BEGAIN: variants seen among roughly 807,000 people sequenced by gnomAD.
BEGAIN encodes the protein brain enriched guanylate kinase associated, also known as brain-enriched guanylate kinase-associated protein.
Under a neutral mutation model 35.8 loss-of-function variants are expected in BEGAIN, and 19 were observed. That is an observed-to-expected ratio of 0.53 (90% CI 0.37 to 0.78). BEGAIN has a LOEUF of 0.78. Ranked by LOEUF, BEGAIN falls within the 30% of genes least tolerant of loss-of-function variation. The pLI, the probability that BEGAIN is intolerant of heterozygous loss-of-function variation, is 0.00. For synonymous variants in BEGAIN, 462 were observed against 388.6 expected, an observed-to-expected ratio of 1.19 and a Z score of -2.22; for missense variants, 795 against 853.6, an observed-to-expected ratio of 0.93 and a Z score of 0.85.
chr14:100,568,636 T>C lies in BEGAIN; in HGVS notation c.43-697A>G. On this transcript the variant is annotated intron_variant, in intron 1 of 6. Transcript: ENST00000554140. This position sits in a 1 kb window ranked among gnomAD's most constrained non-coding sequence, Gnocchi z 7.5. The stretch of plus-strand genomic sequence containing the variant: ...CCGCGCGCGGCTTGGAGACCCTCCC[T>C]GCCCAGCCCCGCTCAGCCGGGCAGC... 6 of 682,930 alleles carry C rather than the reference T, an allele frequency of 8.8e-6. No individual in the cohort carries two copies. The highest frequency in any genetic ancestry group is 1.2e-5 in the Non-Finnish European group (6 of 516,660). The allele number at this position is 682,930 out of a possible 1,614,324, so 42.3% of individuals were successfully genotyped here.
chr14:100,568,653 C>T lies in BEGAIN; in HGVS notation c.43-714G>A. 1 of 522,410 alleles carries T rather than the reference C, an allele frequency of 1.9e-6. No homozygotes were observed. The highest frequency in any genetic ancestry group is 2.5e-6 in the Non-Finnish European group (1 of 407,176). 32.4% of individuals were successfully genotyped at this position (522,410 alleles called of 1,614,324 possible). A position where few individuals can be genotyped will look rare whatever the true frequency, so the allele number is the denominator to read the frequency against. ...ACCCTCCCTGCCCAGCCCCGCTCAG[C>T]CGGGCAGCCCCTCCGCGCGCCGGGC... On this transcript the variant is annotated intron_variant, in intron 1 of 6. Transcript: ENST00000554140. The surrounding 1 kb of genome is among the most constrained non-coding windows in gnomAD (Gnocchi z 7.5).
At chr14:100,580,032 C>T (rs113354714) in intron 1 of BEGAIN, among the ~76,000 whole-genome samples, 7,348 of 149,372 alleles carry the variant, frequency 0.049, 604 homozygotes, top group African/African-American at 0.17. Context: ...AGGCCGGGTG[C>T]GGTGGCTCAC....
At chr14:100,554,399 G>A (rs563295584) in intron 2 of BEGAIN, among the ~76,000 whole-genome samples, 2 of 152,264 alleles carry the variant, frequency 1.3e-5, no homozygotes, top group African/African-American at 2.4e-5. Context: ...CTCTTCGGTC[G>A]TGGCTCTCAG....
intron 1 of BEGAIN, among the ~76,000 whole-genome samples, chr14:100,582,640 T>G (rs894764805): frequency 1.3e-5 from 2 of 152,142 alleles, no homozygotes; most frequent in African/African-American, 2.4e-5. Context: ...CTTCCTCAGA[T>G]AGGACATGTA....
intron 2 of BEGAIN, among the ~76,000 whole-genome samples, chr14:100,560,715 C>T (rs544885299): frequency 1.7e-4 from 26 of 152,346 alleles, no homozygotes; most frequent in African/African-American, 4.1e-4. Flanking sequence ...TTAGTGGCCA[C>T]GAGGGCAGAG....
intron 5 of BEGAIN, among the ~76,000 whole-genome samples, chr14:100,541,554 C>A (rs2031613617): frequency 6.6e-6 from 1 of 152,234 alleles, no homozygotes; most frequent in Admixed American, 6.5e-5. Context: ...CTCCCTGGGC[C>A]TCCTAGGAAC....
chr14:100,567,816 T>G lies in BEGAIN; in HGVS notation c.71+95A>C. On this transcript the variant is annotated intron_variant, in intron 2 of 6. Coordinates refer to ENST00000554140, the MANE Select transcript of BEGAIN (RefSeq NM_001385089.1). The surrounding 1 kb of genome is among the most constrained non-coding windows in gnomAD (Gnocchi z 5.1). ...GAGGCCGCCCGCGGGCCCTGGGGGA[T>G]GCGCTCGGGTGGAGCCCCCTTCCCC... 1 of 1,294,668 alleles carries G rather than the reference T, an allele frequency of 7.7e-7. No homozygotes were observed. Among genetic ancestry groups the G allele is most frequent in the Non-Finnish European group, 1.0e-6 (1 of 979,728 alleles). 80.2% of individuals were successfully genotyped at this position (1,294,668 alleles called of 1,614,324 possible). A position where few individuals can be genotyped will look rare whatever the true frequency, so the allele number is the denominator to read the frequency against.
chr14:100,557,905 G>A (rs963632653), intron 2 of BEGAIN, among the ~76,000 whole-genome samples: 18 of 152,066 alleles, frequency 1.2e-4, no homozygotes, highest in African/African-American at 4.3e-4. Flanking sequence ...GGGCACTTTC[G>A]CAGATGTCAT....
chr14:100,585,415 CCCATCCATCCATCCATCCAT>C (rs71113272), intron 1 of BEGAIN, among the ~76,000 whole-genome samples: 1 of 66,050 alleles, frequency 1.5e-5, no homozygotes, highest in Non-Finnish European at 2.9e-5. Flanking sequence ...CTCCCTCCCT[CCCATCCATCCATCCATCCAT>C]CCATCCATCC....
At chr14:100,552,954 G>T (rs1384596265) in intron 2 of BEGAIN, among the ~76,000 whole-genome samples, 1 of 151,858 alleles carries the variant, frequency 6.6e-6, no homozygotes, top group East Asian at 1.9e-4. Flanking sequence ...GTGTAGTCAC[G>T]TGGGGAGCAG....
chr14:100,541,334 G>A (rs1439356031), intron 5 of BEGAIN, among the ~76,000 whole-genome samples: 2 of 152,232 alleles, frequency 1.3e-5, no homozygotes, highest in African/African-American at 4.8e-5. Context: ...TGACCCACCT[G>A]AGCTGCCCCA....
At chr14:100,562,768 T>C (rs1486558209) in intron 2 of BEGAIN, among the ~76,000 whole-genome samples, 2 of 152,152 alleles carry the variant, frequency 1.3e-5, no homozygotes, top group Non-Finnish European at 2.9e-5. Flanking sequence ...ACAGGTCACC[T>C]GCTCCCCGCC....
Position 100,539,054 on chromosome 14 carries a change from G to A in BEGAIN, c.754C>T (p.Leu252Phe). 1.9e-6 allele frequency: 3 copies of A among 1,612,490 alleles called. No individual in the cohort carries two copies. Among genetic ancestry groups the A allele is most frequent in the Non-Finnish European group, 2.5e-6 (3 of 1,179,612 alleles). ...KGDIYCSDTALYCPEERRRDR... is the reference protein window; with the variant it reads ...KGDIYCSDTAFYCPEERRRDR... Reference sequence around the variant, plus strand: ...CGCCGCCGCTCCTCCGGGCAGTAGAGGGCTGTGTCACTGCAGTAGATGTCT... The same window carrying A: ...CGCCGCCGCTCCTCCGGGCAGTAGAAGGCTGTGTCACTGCAGTAGATGTCT... The change falls in exon 7 of 7, where the codon CTC becomes TTC. Residue 252 changes from leucine to phenylalanine, a missense_variant. Physicochemically the swap from Leu to Phe is conservative, Grantham distance 22 (BLOSUM62 0). This residue lies in a region of BEGAIN where 664 missense variants were observed against 647.7 expected (regional missense o/e 1.03). Coordinates refer to ENST00000554140, the MANE Select transcript of BEGAIN (RefSeq NM_001385089.1).
chr14:100,574,518 G>GTTT (rs34762708), intron 1 of BEGAIN, among the ~76,000 whole-genome samples: 6 of 137,136 alleles, frequency 4.4e-5, no homozygotes, highest in African/African-American at 8.1e-5. Flanking sequence ...CTGCACAAAG[G>GTTT]TTTTTTTTTT....
At chr14:100,542,230 T>A (rs2031733360) in intron 5 of BEGAIN, among the ~76,000 whole-genome samples, 1 of 152,192 alleles carries the variant, frequency 6.6e-6, no homozygotes, top group Admixed American at 6.5e-5. Context: ...CAAATCCCAA[T>A]GCCTCTCCTT....
At chr14:100,555,907 T>C (rs1389452071) in intron 2 of BEGAIN, among the ~76,000 whole-genome samples, 1 of 152,154 alleles carries the variant, frequency 6.6e-6, no homozygotes, top group Non-Finnish European at 1.5e-5. Flanking sequence ...CAGAGAGGAC[T>C]CTGAATGTCA....
chr14:100,570,072 C>G (rs2035027142), intron 1 of BEGAIN, among the ~76,000 whole-genome samples: 1 of 152,214 alleles, frequency 6.6e-6, no homozygotes, highest in Non-Finnish European at 1.5e-5. Context: ...CGCCTGGACC[C>G]CACTGCTCAG....
At chr14:100,577,238 C>T (rs1237529234) in intron 1 of BEGAIN, 4 of 398,334 alleles carry the variant, frequency 1.0e-5, no homozygotes, top group East Asian at 3.6e-5. Context: ...GGAGGGAACT[C>T]GGAGCAGGTC....
chr14:100,547,950 A>T, intron 2 of BEGAIN: 1 of 152,226 alleles, frequency 6.6e-6, no homozygotes, highest in East Asian at 1.9e-4. Context: ...AGTAAACCGC[A>T]TGTGGCACTG....
Sources: allele counts gnomAD v4.1 joint callset (sites outside exome capture counted in the v4.1 genomes callset), GRCh38; gene constraint gnomAD v4.1.1; regional missense constraint gnomAD v4.1.1; non-coding constraint Gnocchi (gnomAD v3.1); transcripts MANE v1.5; gene names NCBI Gene and HGNC (gene_info 2026-07-23, HGNC 2026-07-21).